Variants in NLRP14 observed in about 807,000 individuals in gnomAD.
The protein encoded by NLRP14 is NLR family pyrin domain containing 14.
A neutral mutation model predicts 94.7 loss-of-function variants in NLRP14; 105 were observed. That is an observed-to-expected ratio of 1.11 (90% CI 0.95 to 1.30). NLRP14 has a LOEUF of 1.30. NLRP14 is among the 50% of genes most tolerant of loss of function. The pLI, the probability that NLRP14 is intolerant of heterozygous loss-of-function variation, is 0.00. For missense variants in NLRP14, 1,362 were observed against 1,254.1 expected (o/e 1.09, Z -1.30); for synonymous variants, 508 against 459.9 (o/e 1.10, Z -1.34).
Position 7,060,002 on chromosome 11 carries a change from C to A in NLRP14, c.2742C>A (p.Asp914Glu), listed in dbSNP as rs916547285. The A allele has an allele frequency of 5.0e-6, 8 of 1,612,760 alleles. No individual in the cohort carries two copies. In the East Asian group the frequency reaches 1.1e-4, roughly 22 times the overall value. The change falls in exon 9 of 12, where the codon GAC becomes GAA. Residue 914 changes from aspartate to glutamate, a missense_variant. Physicochemically the swap from Asp to Glu is conservative, Grantham distance 45. Coordinates refer to ENST00000299481, the MANE Select transcript of NLRP14 (RefSeq NM_176822.4). ...ATCTAGGATCAAACTGGCTACAAGA[C>A]AATGGAGTGAAGCTTCTGTGTGATG... The part of the protein sequence containing the change: ...HLDLGSNWLQ[D>E]NGVKLLCDVF...
At chr11:7,083,437 G>A in the NLRP14 span, among the ~76,000 whole-genome samples, 12,217 of 152,118 alleles carry the variant, frequency 0.08, 589 homozygotes, top group Admixed American at 0.15. Flanking sequence ...CTTCTATTCC[G>A]ATTCTTTGAC....
At chr11:7,086,998 C>T in the NLRP14 span, among the ~76,000 whole-genome samples, 1 of 150,684 alleles carries the variant, frequency 6.6e-6, no homozygotes, top group African/African-American at 2.4e-5. Flanking sequence ...TTTCAGAAAC[C>T]CAGATCCCAC....
chr11:7,028,857 C>A (rs1852051593), intron 1 of NLRP14, among the ~76,000 whole-genome samples: 1 of 152,040 alleles, frequency 6.6e-6, no homozygotes, highest in Admixed American at 6.6e-5. Context: ...AAATAAAAAT[C>A]TTTATCTTTT....
chr11:7,084,459 A>G, the NLRP14 span, among the ~76,000 whole-genome samples: 2 of 152,130 alleles, frequency 1.3e-5, no homozygotes, highest in Non-Finnish European at 2.9e-5. Context: ...GAGAATTTTC[A>G]GCCTCACACC....
Position 7,058,445 on chromosome 11 carries a change from C to G in NLRP14, c.2628C>G (p.Ser876Arg), listed in dbSNP as rs771977836. Residue 876 changes from serine (S) to arginine (R), a missense_variant, in exon 8 of 12, where the codon AGC (serine) becomes AGG (arginine). Ser to Arg is a moderately radical substitution (Grantham distance 110, BLOSUM62 -1). Transcript: ENST00000299481. Reference sequence around the variant, plus strand: ...AACATGCACAATGTACTCTGAAGAGCCTTGTGTAAGTGTCTTCAAGTTTTT... The same window carrying G: ...AACATGCACAATGTACTCTGAAGAGGCTTGTGTAAGTGTCTTCAAGTTTTT... Reference protein sequence around the residue: ...ALQHAQCTLKSLVLRRCHFTS... With the variant: ...ALQHAQCTLKRLVLRRCHFTS... 8 of 1,607,686 alleles carry G rather than the reference C, an allele frequency of 5.0e-6. No individual in the cohort carries two copies. In the East Asian group the frequency reaches 1.8e-4, roughly 36 times the overall value.
intron 5 of NLRP14, among the ~76,000 whole-genome samples, chr11:7,047,122 T>A (rs1026906592): frequency 3.3e-5 from 5 of 152,196 alleles, no homozygotes; most frequent in African/African-American, 1.2e-4. Flanking sequence ...ACCAATGCAC[T>A]TTCAAGGACA....
chr11:7,087,136 A>C, the NLRP14 span, among the ~76,000 whole-genome samples: 1 of 152,218 alleles, frequency 6.6e-6, no homozygotes, highest in South Asian at 2.1e-4. Flanking sequence ...GCCAAAGCTC[A>C]TTCTTTTCTG....
At chr11:7,023,565 T>C (rs1323125582) in intron 1 of NLRP14, among the ~76,000 whole-genome samples, 2 of 147,810 alleles carry the variant, frequency 1.4e-5, no homozygotes, top group African/African-American at 4.9e-5. Flanking sequence ...TTTATATTTA[T>C]ATATAAAAAT....
chr11:7,063,326 T>C (rs983439674), intron 10 of NLRP14, among the ~76,000 whole-genome samples: 4 of 151,974 alleles, frequency 2.6e-5, no homozygotes, highest in Non-Finnish European at 5.9e-5. Flanking sequence ...AGCAAGAGCA[T>C]GAGTATTAGC....
At chr11:7,074,589 A>C, downstream of NLRP14, among the ~76,000 whole-genome samples, 1 of 152,236 alleles carries the variant, frequency 6.6e-6, no homozygotes, top group East Asian at 1.9e-4. Context: ...TATTTCTGAA[A>C]CCATTTCAGA....
In NLRP14 at chr11:7,037,146, A is replaced by C. The variant is rs187272165; in HGVS notation, c.-21-1420A>C. On this transcript the variant is annotated intron_variant, in intron 1 of 11. Coordinates refer to ENST00000299481, the MANE Select transcript of NLRP14 (RefSeq NM_176822.4). Reference sequence around the variant, plus strand: ...ACCTACCATATTCTCTATGTCCTGGAGAAATTTCAGAGTTCTTTTTTGAAG... The same window carrying C: ...ACCTACCATATTCTCTATGTCCTGGCGAAATTTCAGAGTTCTTTTTTGAAG... Among the ~76,000 whole-genome samples the C allele has an allele frequency of 9.2e-5, 14 of 152,346 alleles. No individual in the cohort carries two copies. The East Asian group carries it at 2.3e-3, about 25-fold the overall frequency.
At position 7,070,330 on chromosome 11, in the gene NLRP14, C is replaced by G; in HGVS notation, c.3020C>G (p.Ser1007Cys). The G allele has an allele frequency of 6.2e-7, 1 of 1,611,588 alleles. No individual in the cohort carries two copies. Among genetic ancestry groups the G allele is most frequent in the East Asian group, 2.2e-5 (1 of 44,836 alleles). ...GLTSLCCQDL[S>C]SALICNKRLI... ...ACATCTCTCTGCTGTCAAGATCTCT[C>G]CTCTGCTCTTATCTGCAACAAAAGA... Residue 1007 changes from serine to cysteine, a missense_variant, in exon 11 of 12, where the codon TCC becomes TGC. Transcript: ENST00000299481.
intron 2 of NLRP14, 28 bp from the exon 3 acceptor site, chr11:7,039,686 A>G (rs1852217476): frequency 6.4e-6 from 10 of 1,574,496 alleles, no homozygotes; most frequent in Non-Finnish European, 7.9e-6. Flanking sequence ...TTCATTAAAT[A>G]TCATGATCCT....
chr11:7,039,081 C>T (rs1177254773), intron 2 of NLRP14, among the ~76,000 whole-genome samples: 1 of 152,114 alleles, frequency 6.6e-6, no homozygotes, highest in Non-Finnish European at 1.5e-5. Flanking sequence ...CAGCCTAGCT[C>T]CTTAACTGGC....
chr11:7,085,908 G>A, the NLRP14 span, among the ~76,000 whole-genome samples: 1 of 152,208 alleles, frequency 6.6e-6, no homozygotes, highest in Non-Finnish European at 1.5e-5. Context: ...CCACAGATAT[G>A]GAGGGCTGAC....
chr11:7,089,340 C>T, the NLRP14 span: 1 of 1,607,974 alleles, frequency 6.2e-7, no homozygotes, highest in Non-Finnish European at 8.5e-7. Context: ...CGGCAAGTCC[C>T]TGGATGGTAA....
At position 7,043,918 on chromosome 11, in the gene NLRP14, T is replaced by G. The variant is rs1178808708; in HGVS notation, c.1892T>G (p.Ile631Ser). ...AAGCACTGCCGGTGTTTGCGGACCA[T>G]CAGGCTGTCTGTAACTGTGGTATTT... is the stretch of plus-strand genomic sequence containing the variant. ...CLKHCRCLRT[I>S]RLSVTVVFEK... is the part of the protein sequence containing the mutation. The change falls in exon 4 of 12, where the codon ATC (isoleucine) becomes AGC (serine). Residue 631 changes from isoleucine (I) to serine (S), a missense_variant. Transcript: ENST00000299481. The G allele has an allele frequency of 6.2e-7, 1 of 1,614,026 alleles. No individual in the cohort carries two copies. Among genetic ancestry groups the G allele is most frequent in the African/African-American group, 1.3e-5 (1 of 74,932 alleles).
At chr11:7,058,190 G>C in intron 7 of NLRP14, 90 bp from the exon 8 acceptor site, 1 of 1,059,596 alleles carries the variant, frequency 9.4e-7, no homozygotes, top group African/African-American at 1.6e-5. Flanking sequence ...AGGTATGGGG[G>C]TTATAAGTGC....
At chr11:7,066,350 C>G (rs1169959711) in intron 10 of NLRP14, among the ~76,000 whole-genome samples, 1 of 152,206 alleles carries the variant, frequency 6.6e-6, no homozygotes, top group East Asian at 1.9e-4. Flanking sequence ...TCCTGTTTCT[C>G]CACATCCTCT....
Sources: gnomAD v4.1 joint callset for allele counts (sites outside exome capture counted in the v4.1 genomes callset) on GRCh38, gnomAD v4.1.1 for gene constraint, MANE v1.5 for transcripts, NCBI Gene and HGNC (gene_info 2026-07-23, HGNC 2026-07-21) for gene names.